The following GATAD2B variants were observed in gnomAD, a reference collection of about 807,000 sequenced individuals.
The protein encoded by GATAD2B is GATA zinc finger domain containing 2B.
A neutral mutation model predicts 64.3 loss-of-function variants in GATAD2B; 8 were observed. That is an observed-to-expected ratio of 0.12 (90% CI 0.07 to 0.22). GATAD2B has a LOEUF of 0.22. GATAD2B is among the 10% of genes least tolerant of loss of function. The pLI, the probability that GATAD2B is intolerant of heterozygous loss-of-function variation, is 1.00. For missense variants in GATAD2B, 453 were observed against 752.0 expected (o/e 0.60, Z 4.65); for synonymous variants, 281 against 271.3 (o/e 1.04, Z -0.35).
At chr1:153,876,287 C>T (rs949437308) in intron 1 of GATAD2B, among the ~76,000 whole-genome samples, 1 of 128,914 alleles carries the variant, frequency 7.8e-6, no homozygotes, top group Non-Finnish European at 1.6e-5. Context: ...AATGGCTGGG[C>T]GTGGTTAAAA....
chr1:153,872,205 G>A (rs536761786), intron 1 of GATAD2B, among the ~76,000 whole-genome samples: 1 of 148,908 alleles, frequency 6.7e-6, no homozygotes, highest in African/African-American at 2.5e-5. Context: ...TGTAATCCCA[G>A]CTATTTGGGA....
chr1:153,830,473 TATTTATTTA>T (rs903195798), intron 1 of GATAD2B, among the ~76,000 whole-genome samples: 1 of 141,786 alleles, frequency 7.1e-6, no homozygotes, highest in Non-Finnish European at 1.5e-5. Context: ...TATTTTATTT[TATTTATTTA>T]TTTTTTTTTT....
intron 2 of GATAD2B, 120 bp from the exon 3 acceptor site, chr1:153,819,855 T>C (rs546909428): frequency 2.7e-6 from 2 of 742,286 alleles, no homozygotes; most frequent in Non-Finnish European, 4.1e-6. Context: ...TCCTAGCACT[T>C]TGGGAGACCG....
chr1:153,904,761 G>A (rs1421814270), intron 1 of GATAD2B, among the ~76,000 whole-genome samples: 1 of 151,876 alleles, frequency 6.6e-6, no homozygotes, highest in African/African-American at 2.4e-5. Flanking sequence ...AGGCTGGAGT[G>A]CAGTGGCACA....
chr1:153,885,153 A>C lies in GATAD2B; in HGVS notation c.-2+37580T>G, dbSNP rs1465334408. On this transcript the variant is annotated intron_variant, in intron 1 of 10. Coordinates refer to ENST00000368655, the MANE Select transcript of GATAD2B (RefSeq NM_020699.4). ...CAGCTCACAATTAGAGGCTGGCTCC[A>C]AAGCCCATATGCTTTCCACTATACC... is the stretch of plus-strand genomic sequence containing the variant. Among the ~76,000 whole-genome samples the C allele has an allele frequency of 4.6e-5, 7 of 152,124 alleles. No homozygotes were observed. The East Asian group carries it at 1.2e-3, about 25-fold the overall frequency.
At chr1:153,822,393 T>C (rs2101885924) in intron 2 of GATAD2B, among the ~76,000 whole-genome samples, 1 of 152,306 alleles carries the variant, frequency 6.6e-6, no homozygotes, top group South Asian at 2.1e-4. Context: ...GATGGAGATT[T>C]GGGAACTGTA....
chr1:153,897,033 CTTT>C (rs764620884), intron 1 of GATAD2B, among the ~76,000 whole-genome samples: 1 of 142,498 alleles, frequency 7.0e-6, no homozygotes. Flanking sequence ...TCTTAGAACA[CTTT>C]TTTTTTTTTT....
At chr1:153,873,031 C>T (rs1676718843) in intron 1 of GATAD2B, among the ~76,000 whole-genome samples, 1 of 151,644 alleles carries the variant, frequency 6.6e-6, no homozygotes, top group Non-Finnish European at 1.5e-5. Flanking sequence ...ATGCCTGCTA[C>T]TAGTTTGGTG....
intron 1 of GATAD2B, among the ~76,000 whole-genome samples, chr1:153,896,737 T>C (rs757798305): frequency 4.0e-5 from 6 of 151,650 alleles, no homozygotes; most frequent in Non-Finnish European, 5.9e-5. Context: ...TGCCCAACCA[T>C]GAACAAGAAA....
At position 153,922,920 on chromosome 1, in the gene GATAD2B, AGCG is replaced by A; in HGVS notation, c.-192_-190del. 2 of 156,134 alleles carry A rather than the reference AGCG, an allele frequency of 1.3e-5. No homozygotes were observed. Among genetic ancestry groups the A allele is most frequent in the Non-Finnish European group, 2.8e-5 (2 of 70,576 alleles). 9.7% of individuals were successfully genotyped at this position (156,134 alleles called of 1,614,324 possible). ...CAGACACTGCGGTACAGACGGGGGC[AGCG>A]GCGGCGGCGACGGCTGCACCGGCGG... On this transcript the variant is annotated 5_prime_UTR_variant, in exon 1 of 11. Coordinates refer to ENST00000368655, the MANE Select transcript of GATAD2B (RefSeq NM_020699.4).
chr1:153,805,302 C>A lies in GATAD2B; in HGVS notation c.*4875G>T, dbSNP rs1674079080. ...AAAATGTGGGCTGTGTCTGCGCTCT[C>A]CTATTTTATCACCAAGATGGGGGAA... is the stretch of plus-strand genomic sequence containing the variant. On this transcript the variant is annotated 3_prime_UTR_variant, in exon 11 of 11. Transcript: ENST00000368655. The A allele has an allele frequency of 6.6e-6, 1 of 152,110 alleles. No individual in the cohort carries two copies. Among genetic ancestry groups the A allele is most frequent in the African/African-American group, 2.4e-5 (1 of 41,420 alleles). The allele number at this position is 152,110 out of a possible 1,614,324, so 9.4% of individuals were successfully genotyped here.
chr1:153,839,836 G>A (rs1675412895), intron 1 of GATAD2B, among the ~76,000 whole-genome samples: 1 of 151,448 alleles, frequency 6.6e-6, no homozygotes, highest in Non-Finnish European at 1.5e-5. Flanking sequence ...CTGGGCTGGT[G>A]GCAGGTGCGT....
At chr1:153,840,892 G>A (rs1009027689) in intron 1 of GATAD2B, among the ~76,000 whole-genome samples, 7 of 152,144 alleles carry the variant, frequency 4.6e-5, no homozygotes, top group Middle Eastern at 3.4e-3. Context: ...CTGGGAGGCC[G>A]AGGAGAGCGG....
At chr1:153,842,939 G>A (rs1675548455) in intron 1 of GATAD2B, among the ~76,000 whole-genome samples, 1 of 143,706 alleles carries the variant, frequency 7.0e-6, no homozygotes, top group Non-Finnish European at 1.5e-5. Context: ...ACAGGCGTGA[G>A]CCACCTCGCC....
At chr1:153,882,009 G>A (rs139382064) in intron 1 of GATAD2B, among the ~76,000 whole-genome samples, 1 of 152,258 alleles carries the variant, frequency 6.6e-6, no homozygotes, top group East Asian at 1.9e-4. Flanking sequence ...ACAGGGGGAT[G>A]CTTACTTTTA....
intron 1 of GATAD2B, among the ~76,000 whole-genome samples, chr1:153,856,348 T>C (rs1676081005): frequency 6.6e-6 from 1 of 152,172 alleles, no homozygotes; most frequent in Non-Finnish European, 1.5e-5. Flanking sequence ...CAATCTTAAG[T>C]ATTTAGAGGT....
intron 1 of GATAD2B, among the ~76,000 whole-genome samples, chr1:153,920,112 G>T (rs1381407984): frequency 6.6e-6 from 1 of 152,232 alleles, no homozygotes; most frequent in African/African-American, 2.4e-5. Flanking sequence ...CACAGCTGCT[G>T]TTTTCCTCCA....
At chr1:153,908,512 C>T (rs1207768356) in intron 1 of GATAD2B, among the ~76,000 whole-genome samples, 3 of 150,820 alleles carry the variant, frequency 2.0e-5, no homozygotes, top group East Asian at 1.9e-4. Flanking sequence ...GAGTTTCGCT[C>T]GTTGCCCAGG....
rs74720309 is a variant in GATAD2B, at chr1:153,848,023, T to C, written c.-1-19675A>G. Among the ~76,000 whole-genome samples, 92 of 152,356 alleles carry C rather than the reference T, an allele frequency of 6.0e-4. 1 individual carries two copies. The East Asian group carries it at 0.017, about 28-fold the overall frequency. ...TCCCAAAGATTTGATTTAATCAGTC[T>C]GCCATTGAACTCATGCAGCTATCCT... On this transcript the variant is annotated intron_variant, in intron 1 of 10. Transcript: ENST00000368655.
Sources: gnomAD v4.1 joint callset for allele counts (sites outside exome capture counted in the v4.1 genomes callset) on GRCh38, gnomAD v4.1.1 for gene constraint, MANE v1.5 for transcripts, NCBI Gene and HGNC (gene_info 2026-07-23, HGNC 2026-07-21) for gene names.